Variants in FAM135A observed in about 807,000 individuals in gnomAD.
FAM135A encodes family with sequence similarity 135 member A, also known as protein FAM135A.
FAM135A carries 79 observed loss-of-function variants against 146.8 expected under a neutral mutation model. That is an observed-to-expected ratio of 0.54 (90% CI 0.45 to 0.65). FAM135A has a LOEUF of 0.65. Among genes scored for constraint, FAM135A ranks in the 30% least tolerant of loss-of-function variants. The probability of loss-of-function intolerance (pLI) is 0.00; values close to 1 mark genes in which losing one functional copy is unlikely to be tolerated. For synonymous variants in FAM135A, 562 were observed against 603.6 expected (o/e 0.93, Z 1.01); for missense variants, 1,623 against 1,758.2 (o/e 0.92, Z 1.38).
rs1016974806 is a variant in FAM135A, at chr6:70,528,170, A to G, written c.3615-122A>G. The G allele has an allele frequency of 8.7e-5, 72 of 823,712 alleles. No homozygotes were observed. In the African/African-American group the frequency reaches 1.2e-3, roughly 13 times the overall value. 51.0% of individuals were successfully genotyped at this position (823,712 alleles called of 1,614,324 possible). A position where few individuals can be genotyped will look rare whatever the true frequency, so the allele number is the denominator to read the frequency against. On this transcript the variant is annotated intron_variant, in intron 15 of 21. Transcript: ENST00000418814. ...CTAAATCACTTAGGTGATGCCACAT[A>G]TTTTCATGGTTTTAAAACCAAATAT...
chr6:70,444,247 A>G (rs1359370277), intron 4 of FAM135A, among the ~76,000 whole-genome samples: 3 of 152,136 alleles, frequency 2.0e-5, no homozygotes, highest in African/African-American at 7.2e-5. Flanking sequence ...TGCTAAAAAT[A>G]CAAAAATTAG....
intron 2 of FAM135A, among the ~76,000 whole-genome samples, chr6:70,423,014 G>A (rs568991030): frequency 6.6e-6 from 1 of 152,196 alleles, no homozygotes; most frequent in Non-Finnish European, 1.5e-5. Flanking sequence ...ATTTTTGATA[G>A]TGCAGCCAGA....
intron 19 of FAM135A, among the ~76,000 whole-genome samples, chr6:70,537,968 CTTT>C (rs1241888347): frequency 6.7e-6 from 1 of 148,878 alleles, no homozygotes; most frequent in African/African-American, 2.5e-5. Flanking sequence ...TCATCTTCTT[CTTT>C]ATCATTTGAA....
intron 1 of FAM135A, among the ~76,000 whole-genome samples, chr6:70,414,738 CAAAT>C (rs915221277): frequency 6.6e-6 from 1 of 152,166 alleles, no homozygotes; most frequent in Non-Finnish European, 1.5e-5. Flanking sequence ...ACAGTAGCAA[CAAAT>C]CGGTTACACT....
At chr6:70,528,192 A>C in intron 15 of FAM135A, 100 bp from the exon 16 acceptor site, 1 of 1,160,576 alleles carries the variant, frequency 8.6e-7, no homozygotes, top group Admixed American at 3.0e-5. Context: ...TTAAAACCAA[A>C]TATTGTTGGG....
At chr6:70,428,856 A>G (rs1440153648) in intron 4 of FAM135A, among the ~76,000 whole-genome samples, 1 of 152,234 alleles carries the variant, frequency 6.6e-6, no homozygotes, top group Non-Finnish European at 1.5e-5. Flanking sequence ...ACACTGTGAC[A>G]TGTTATAATT....
At chr6:70,477,426 T>C (rs1274598278) in intron 8 of FAM135A, 94 bp downstream of exon 8, 12 of 1,330,734 alleles carry the variant, frequency 9.0e-6, no homozygotes, top group Non-Finnish European at 1.1e-5. Context: ...AGAGGTTTAA[T>C]TGGGTCATGG....
In FAM135A at chr6:70,524,446, C is replaced by A; in HGVS notation, c.1362C>A (p.Ser454Arg). The A allele has an allele frequency of 2.6e-6, 4 of 1,549,506 alleles. No individual in the cohort carries two copies. The highest frequency in any genetic ancestry group is 3.5e-6 in the Non-Finnish European group (4 of 1,146,304). The change falls in exon 15 of 22, where the codon AGC becomes AGA. Residue 454 changes from serine to arginine, a missense_variant. Ser to Arg is a moderately radical substitution (Grantham distance 110). Around this residue, in one of 7 missense-constraint regions of FAM135A, gnomAD observed 1,061 missense variants for 1,113.8 expected, o/e 0.95. Transcript: ENST00000418814. ...TEESSVAGLS[S>R]PELKVRPAGA... ...AAAGCTCTGTAGCAGGACTTTCTAG[C>A]CCAGAGTTGAAAGTCAGACCTGCTG...
At chr6:70,542,649 C>A (rs1194101227) in intron 20 of FAM135A, among the ~76,000 whole-genome samples, 3 of 152,194 alleles carry the variant, frequency 2.0e-5, no homozygotes, top group Non-Finnish European at 4.4e-5. Context: ...TCTCCCATCT[C>A]AGCTGTCCCA....
rs980246878 is a variant in FAM135A at position 70,524,619 on chromosome 6, A to G, written c.1535A>G (p.Gln512Arg). The G allele has an allele frequency of 2.1e-5, 32 of 1,546,394 alleles. No individual in the cohort carries two copies. The highest frequency in any genetic ancestry group is 2.7e-5 in the Non-Finnish European group (31 of 1,145,708). The change falls in exon 15 of 22, where the codon CAG (glutamine) becomes CGG (arginine). Residue 512 changes from glutamine to arginine, a missense_variant. Coordinates refer to ENST00000418814, the MANE Select transcript of FAM135A (RefSeq NM_001162529.3). ...GAAAACACAAAAAAATTAATAAAAC[A>G]GAACTCTAAGGATTCTGTGGTTTTG... ...KSENTKKLIK[Q>R]NSKDSVVLVG... is the part of the protein sequence containing the mutation.
intron 18 of FAM135A, among the ~76,000 whole-genome samples, chr6:70,535,221 G>A (rs191119423): frequency 3.5e-4 from 54 of 152,202 alleles, no homozygotes; most frequent in Admixed American, 6.5e-4. Context: ...TGAGCGTCTC[G>A]CAAGATATAC....
At chr6:70,473,627 C>T (rs1456599177) in intron 5 of FAM135A, among the ~76,000 whole-genome samples, 1 of 152,112 alleles carries the variant, frequency 6.6e-6, no homozygotes, top group Non-Finnish European at 1.5e-5. Flanking sequence ...TCTCCTGTCA[C>T]TGCTTCTTCT....
chr6:70,545,084 A>G (rs201475626), intron 20 of FAM135A, among the ~76,000 whole-genome samples: 1 of 151,996 alleles, frequency 6.6e-6, no homozygotes, highest in African/African-American at 2.4e-5. Context: ...AACAAACAAA[A>G]AAAACCACGA....
intron 11 of FAM135A, among the ~76,000 whole-genome samples, chr6:70,496,583 C>G (rs1386048731): frequency 6.6e-6 from 1 of 152,118 alleles, no homozygotes; most frequent in Non-Finnish European, 1.5e-5. Flanking sequence ...GCCCATCATG[C>G]CCGTGTCCTG....
intron 12 of FAM135A, among the ~76,000 whole-genome samples, chr6:70,516,494 T>C (rs1792241700): frequency 6.6e-6 from 1 of 151,970 alleles, no homozygotes; most frequent in Non-Finnish European, 1.5e-5. Flanking sequence ...TTAGCTTTTA[T>C]TGAGATTTTA....
Position 70,480,826 on chromosome 6 carries a change from T to C in FAM135A, c.543-75T>C, listed in dbSNP as rs367623963. ...CCCTTGCTGTTCTATTCCTGTAAGA[T>C]TTTCCTTTGTAAATATTTAACTTAC... On this transcript the variant is annotated intron_variant, in intron 8 of 21. Coordinates refer to ENST00000418814, the MANE Select transcript of FAM135A (RefSeq NM_001162529.3). The C allele has an allele frequency of 2.8e-6, 4 of 1,428,016 alleles. No individual in the cohort carries two copies. The South Asian group carries it at 6.5e-5, about 23-fold the overall frequency. 88.5% of individuals were successfully genotyped at this position (1,428,016 alleles called of 1,614,324 possible).
Position 70,526,526 on chromosome 6 carries a change from T to G in FAM135A, c.3442T>G (p.Cys1148Gly), listed in dbSNP as rs879183241. Residue 1148 changes from cysteine (C) to glycine (G), a missense_variant, in exon 15 of 22, where the codon TGT becomes GGT. Cys to Gly is a radical substitution (Grantham distance 159, BLOSUM62 -3). Coordinates refer to ENST00000418814, the MANE Select transcript of FAM135A (RefSeq NM_001162529.3). ...LRDGINMPTV[C>G]TSGCLSFPSA... ...AGATGGTATAAACATGCCTACTGTC[T>G]GTACTTCTGGTTGTTTGTCCTTCCC... is the stretch of plus-strand genomic sequence containing the variant. The G allele has an allele frequency of 6.2e-7, 1 of 1,613,624 alleles. No homozygotes were observed. The highest frequency in any genetic ancestry group is 1.1e-5 in the South Asian group (1 of 91,062).
At chr6:70,461,341 C>T (rs551636421) in intron 5 of FAM135A, among the ~76,000 whole-genome samples, 1 of 152,112 alleles carries the variant, frequency 6.6e-6, no homozygotes, top group Non-Finnish European at 1.5e-5. Flanking sequence ...AGTACTTAGA[C>T]TGTAAAGGGC....
chr6:70,522,627 T>G, intron 13 of FAM135A, 41 bp downstream of exon 13: 2 of 1,483,764 alleles, frequency 1.3e-6, no homozygotes, highest in Non-Finnish European at 1.9e-6. Context: ...TATTACTTCC[T>G]TTTACATAAG....
Sources: gnomAD v4.1 joint callset for allele counts (sites outside exome capture counted in the v4.1 genomes callset) on GRCh38, gnomAD v4.1.1 for gene constraint, gnomAD v4.1.1 regional missense constraint, MANE v1.5 for transcripts, NCBI Gene and HGNC (gene_info 2026-07-23, HGNC 2026-07-21) for gene names.